Variants in DUSP16 observed in about 807,000 individuals in gnomAD.
The protein encoded by DUSP16 is dual specificity phosphatase 16.
Under a neutral mutation model 58.3 loss-of-function variants are expected in DUSP16, and 21 were observed. The ratio of observed to expected loss-of-function variants is 0.36; its 90% CI spans 0.26 to 0.52. The LOEUF (loss-of-function observed/expected upper bound fraction) is 0.52, where lower values mean the gene tolerates loss of function less well. Ranked by LOEUF, DUSP16 falls within the 20% of genes least tolerant of loss-of-function variation. The pLI is 0.94. For synonymous variants in DUSP16, 320 were observed against 323.8 expected (o/e 0.99, Z 0.12); for missense variants, 726 against 819.0 (o/e 0.89, Z 1.39).
intron 5 of DUSP16, among the ~76,000 whole-genome samples, chr12:12,484,155 G>A (rs1943632874): frequency 6.6e-6 from 1 of 151,924 alleles, no homozygotes; most frequent in African/African-American, 2.4e-5. Flanking sequence ...CCCCACAGAG[G>A]AGAAGACTTA....
At chr12:12,506,393 T>C (rs1049557609) in intron 3 of DUSP16, among the ~76,000 whole-genome samples, 15 of 152,214 alleles carry the variant, frequency 9.9e-5, no homozygotes, top group African/African-American at 2.9e-4. Context: ...CAAGCTAGAT[T>C]CCATTACAAG....
Position 12,500,649 on chromosome 12 carries a change from C to A in DUSP16, c.401G>T (p.Gly134Val). 1 of 1,600,576 alleles carries A rather than the reference C, an allele frequency of 6.2e-7. No individual in the cohort carries two copies. The highest frequency in any genetic ancestry group is 8.5e-7 in the Non-Finnish European group (1 of 1,174,778). The stretch of plus-strand genomic sequence containing the variant: ...TAGAGTGGATTTTCCTTCACAGAGG[C>A]CAGGGAAACAACGAGAGAACTCAGC... ...GFAEFSRCFP[G>V]LCEGKSTLVP... The change falls in exon 4 of 7, where the codon GGC (glycine) becomes GTC (valine). Residue 134 changes from glycine (G) to valine (V), a missense_variant. Transcript: ENST00000298573.
intron 4 of DUSP16, among the ~76,000 whole-genome samples, chr12:12,497,849 A>C (rs1255628362): frequency 1.3e-5 from 2 of 152,068 alleles, no homozygotes; most frequent in African/African-American, 4.8e-5. Flanking sequence ...GCGTGCCTGT[A>C]GTCTCAGCTA....
chr12:12,524,749 GC>G (rs1944280050), intron 1 of DUSP16, among the ~76,000 whole-genome samples: 1 of 152,150 alleles, frequency 6.6e-6, no homozygotes. Context: ...TATTTAGCCA[GC>G]TGCTAAAGTT....
At chr12:12,510,113 G>A (rs921747202) in intron 3 of DUSP16, among the ~76,000 whole-genome samples, 6 of 151,978 alleles carry the variant, frequency 3.9e-5, no homozygotes, top group Admixed American at 2.6e-4. Flanking sequence ...ACTCCACACC[G>A]GTGTGGAGAG....
At chr12:12,512,812 C>T (rs755741318) in intron 3 of DUSP16, among the ~76,000 whole-genome samples, 6 of 152,124 alleles carry the variant, frequency 3.9e-5, no homozygotes, top group Non-Finnish European at 7.3e-5. Context: ...CCATTAATTT[C>T]AATCTCATTT....
intron 1 of DUSP16, among the ~76,000 whole-genome samples, chr12:12,546,081 T>A (rs1944637568): frequency 6.6e-6 from 1 of 152,214 alleles, no homozygotes; most frequent in Non-Finnish European, 1.5e-5. Context: ...ATAAGTTATA[T>A]TTCCCATGCA....
intron 1 of DUSP16, among the ~76,000 whole-genome samples, chr12:12,548,630 C>CAAAAA (rs898316799): frequency 7.6e-4 from 46 of 60,466 alleles, no homozygotes; most frequent in Non-Finnish European, 1.1e-3. Context: ...GACTCTGTCT[C>CAAAAA]AAAAAAAAAA....
Position 12,519,319 on chromosome 12 carries a change from G to T in DUSP16, c.367+543C>A, listed in dbSNP as rs1157187863. Among the ~76,000 whole-genome samples the T allele has an allele frequency of 2.6e-5, 4 of 152,104 alleles. No homozygotes were observed. The East Asian group carries it at 7.7e-4, about 29-fold the overall frequency. On this transcript the variant is annotated intron_variant, in intron 3 of 6. Coordinates refer to ENST00000298573, the MANE Select transcript of DUSP16 (RefSeq NM_030640.3). ...TTATAAAACAAATAAAAATATACAA[G>T]TAACTTTTAAAACAATTCCCCTAAT...
chr12:12,484,290 C>T (rs552554837), intron 5 of DUSP16, among the ~76,000 whole-genome samples: 7 of 152,158 alleles, frequency 4.6e-5, no homozygotes, highest in African/African-American at 1.7e-4. Context: ...TAAGTATTTG[C>T]AGATATTACA....
intron 3 of DUSP16, among the ~76,000 whole-genome samples, chr12:12,505,024 T>TAC (rs1370454408): frequency 6.6e-6 from 1 of 152,244 alleles, no homozygotes; most frequent in Non-Finnish European, 1.5e-5. Flanking sequence ...TCCTAGAATG[T>TAC]ACTGAACACT....
intron 5 of DUSP16, among the ~76,000 whole-genome samples, chr12:12,482,082 G>T (rs891450223): frequency 6.6e-6 from 1 of 152,136 alleles, no homozygotes; most frequent in Non-Finnish European, 1.5e-5. Context: ...ATCCTTACTG[G>T]AAGGAGTCTG....
rs200337410 is a variant in DUSP16 at position 12,542,590 on chromosome 12, GC to G, written c.-366+19526del. ...AACTGTGAATATACCAAAAACCACT[GC>G]ATTGCACACCTTCAAAGACGAATTT... On this transcript the variant is annotated intron_variant, in intron 1 of 6. Coordinates refer to ENST00000298573, the MANE Select transcript of DUSP16 (RefSeq NM_030640.3). Among the ~76,000 whole-genome samples the G allele has an allele frequency of 7.1e-3, 1,081 of 152,152 alleles. 46 individuals are homozygous for G. Among genetic ancestry groups the G allele is most frequent in the Admixed American group, 0.065 (986 of 15,278 alleles).
intron 1 of DUSP16, among the ~76,000 whole-genome samples, chr12:12,525,714 AAT>A (rs1944296229): frequency 6.8e-6 from 1 of 147,420 alleles, no homozygotes; most frequent in African/African-American, 2.5e-5. Flanking sequence ...CTCTACAAAA[AAT>A]TAAAAATATA....
intron 3 of DUSP16, among the ~76,000 whole-genome samples, chr12:12,510,097 C>T (rs183293123): frequency 3.3e-5 from 5 of 152,118 alleles, no homozygotes; most frequent in South Asian, 2.1e-4. Flanking sequence ...CCCTAAATGG[C>T]GCAGGACTCC....
intron 4 of DUSP16, among the ~76,000 whole-genome samples, chr12:12,493,697 A>T (rs1943792245): frequency 6.6e-6 from 1 of 152,044 alleles, no homozygotes; most frequent in African/African-American, 2.4e-5. Context: ...TTCTGCCTGT[A>T]CTGCTCTTCC....
At chr12:12,498,383 C>A (rs1261402044) in intron 4 of DUSP16, among the ~76,000 whole-genome samples, 3 of 149,370 alleles carry the variant, frequency 2.0e-5, no homozygotes, top group South Asian at 4.2e-4. Flanking sequence ...ACATGCATTT[C>A]TTTATTTTAT....
chr12:12,542,193 G>A (rs1944569770), intron 1 of DUSP16, among the ~76,000 whole-genome samples: 1 of 152,000 alleles, frequency 6.6e-6, no homozygotes, highest in African/African-American at 2.4e-5. Flanking sequence ...CCTGACCATG[G>A]AGAAATCCCG....
chr12:12,490,463 A>G (rs1455168105), intron 4 of DUSP16, among the ~76,000 whole-genome samples: 1 of 152,254 alleles, frequency 6.6e-6, no homozygotes, highest in Non-Finnish European at 1.5e-5. Flanking sequence ...TAAATTAAAT[A>G]TCATAAATAA....
Sources: allele counts gnomAD v4.1 joint callset (sites outside exome capture counted in the v4.1 genomes callset), GRCh38; gene constraint gnomAD v4.1.1; transcripts MANE v1.5; gene names NCBI Gene and HGNC (gene_info 2026-07-23, HGNC 2026-07-21).